BNC2: variants seen among roughly 807,000 people sequenced by gnomAD.
The protein encoded by BNC2 is zinc finger protein basonuclin-2.
BNC2 carries 20 observed loss-of-function variants against 76.3 expected under a neutral mutation model. That is an observed-to-expected ratio of 0.26 (90% CI 0.18 to 0.38). The LOEUF (loss-of-function observed/expected upper bound fraction) is 0.38. BNC2 is among the 10% of genes least tolerant of loss of function. BNC2 has a pLI of 1.00. For synonymous variants in BNC2, 582 were observed against 514.8 expected (o/e 1.13, Z -1.77); for missense variants, 1,382 against 1,399.8 (o/e 0.99, Z 0.20).
In BNC2 at chr9:16,834,057, CT is replaced by C. The variant is rs760455486; in HGVS notation, c.3+36588del. 1.1e-4 allele frequency among the ~76,000 whole-genome samples: 17 copies of C among 152,244 alleles called. No individual in the cohort carries two copies. The East Asian group carries it at 1.7e-3, about 16-fold the overall frequency. Reference sequence around the variant, plus strand: ...CCTTCAGATCTCAGCTCAAACAACCCTTCAGAGAAATCTTCTCTGACCCCAC... The same window carrying C: ...CCTTCAGATCTCAGCTCAAACAACCCTCAGAGAAATCTTCTCTGACCCCAC... On this transcript the variant is annotated intron_variant, in intron 1 of 6. Transcript: ENST00000380672.
rs111825308 is a variant in BNC2, at chr9:16,632,940, T to G, written c.331-49855A>C. On this transcript the variant is annotated intron_variant, in intron 3 of 6. Coordinates refer to ENST00000380672, the MANE Select transcript of BNC2 (RefSeq NM_017637.6). Reference sequence around the variant, plus strand: ...GTTTCTTAATACCAGCTGGCAATATTTGGGCCCCGAAGCATGAGAACTGAT... The same window carrying G: ...GTTTCTTAATACCAGCTGGCAATATGTGGGCCCCGAAGCATGAGAACTGAT... 5.3e-5 allele frequency among the ~76,000 whole-genome samples: 8 copies of G among 152,248 alleles called. 1 individual carries two copies. Among genetic ancestry groups the G allele is most frequent in the African/African-American group, 1.7e-4 (7 of 41,536 alleles).
intron 3 of BNC2, among the ~76,000 whole-genome samples, chr9:16,632,553 A>T (rs1821193696): frequency 1.3e-5 from 2 of 152,218 alleles, no homozygotes; most frequent in Non-Finnish European, 2.9e-5. Context: ...CTAATTGCAG[A>T]TATTAGCATA....
At chr9:16,830,099 A>T (rs1167787838) in intron 1 of BNC2, among the ~76,000 whole-genome samples, 1 of 152,256 alleles carries the variant, frequency 6.6e-6, no homozygotes, top group Non-Finnish European at 1.5e-5. Flanking sequence ...TCTATGTGAA[A>T]AGCTTTTGAA....
chr9:16,628,357 G>A (rs1821058554), intron 3 of BNC2, among the ~76,000 whole-genome samples: 1 of 152,124 alleles, frequency 6.6e-6, no homozygotes, highest in South Asian at 2.1e-4. Context: ...AAATTACAGT[G>A]GTAGGGAGAA....
At chr9:16,438,721 T>G (rs1210936595) in intron 5 of BNC2, among the ~76,000 whole-genome samples, 1 of 151,530 alleles carries the variant, frequency 6.6e-6, no homozygotes, top group African/African-American at 2.4e-5. Flanking sequence ...AATGACAAGA[T>G]ACTTATTAAT....
intron 1 of BNC2, among the ~76,000 whole-genome samples, chr9:16,739,092 G>A (rs568552731): frequency 1.3e-5 from 2 of 151,794 alleles, no homozygotes; most frequent in South Asian, 4.2e-4. Flanking sequence ...TATATTCCTA[G>A]AGAAGTAATA....
At chr9:16,838,410 A>C (rs1371888587) in intron 1 of BNC2, among the ~76,000 whole-genome samples, 2 of 152,186 alleles carry the variant, frequency 1.3e-5, no homozygotes, top group East Asian at 1.9e-4. Flanking sequence ...AAAAATACAA[A>C]ATCAGCTGGG....
intron 4 of BNC2, among the ~76,000 whole-genome samples, chr9:16,560,869 T>G (rs1442211483): frequency 6.6e-6 from 1 of 152,200 alleles, no homozygotes; most frequent in Admixed American, 6.5e-5. Context: ...CTGGTGAAGG[T>G]ACTGGATGAA....
chr9:16,790,086 G>A (rs368966560), intron 1 of BNC2, among the ~76,000 whole-genome samples: 15 of 152,218 alleles, frequency 9.9e-5, no homozygotes, highest in South Asian at 2.1e-4. Flanking sequence ...TGCAAGCTCC[G>A]CCTCCCAGGT....
intron 5 of BNC2, among the ~76,000 whole-genome samples, chr9:16,502,005 T>C (rs538822905): frequency 1.3e-4 from 20 of 152,288 alleles, no homozygotes; most frequent in Admixed American, 9.2e-4. Flanking sequence ...TGACTGCTAG[T>C]CCCAAGAAAA....
At chr9:16,655,777 A>G (rs1342137737) in intron 3 of BNC2, among the ~76,000 whole-genome samples, 2 of 152,150 alleles carry the variant, frequency 1.3e-5, no homozygotes, top group Non-Finnish European at 2.9e-5. Flanking sequence ...ATTCTCCACA[A>G]TTGCTGACTT....
intron 3 of BNC2, among the ~76,000 whole-genome samples, chr9:16,584,340 T>C (rs976312733): frequency 2.6e-5 from 4 of 152,210 alleles, no homozygotes; most frequent in Admixed American, 6.5e-5. Context: ...ATTTTGGATA[T>C]TGTTAACATG....
At chr9:16,665,438 G>GAA (rs766655149) in intron 3 of BNC2, among the ~76,000 whole-genome samples, 1 of 56,016 alleles carries the variant, frequency 1.8e-5, no homozygotes, top group African/African-American at 7.9e-5. Flanking sequence ...GGAAAGAAAA[G>GAA]AAAGAAAGAA....
At position 16,811,201 on chromosome 9, in the gene BNC2, C is replaced by T. The variant is rs1261328988; in HGVS notation, c.3+59445G>A. On this transcript the variant is annotated intron_variant, in intron 1 of 6. Transcript: ENST00000380672. ...TCGTGCCACTGCACTCCAGCCTGGG[C>T]AACAGAGCGAGACTTCGTCTCAAAA... 4.1e-5 allele frequency among the ~76,000 whole-genome samples: 5 copies of T among 123,292 alleles called. No individual in the cohort carries two copies. The Admixed American group carries it at 4.1e-4, about 10-fold the overall frequency. 80.9% of individuals were successfully genotyped at this position (123,292 alleles called of 152,430 possible).
chr9:16,614,765 AGGGAAGCCCT>A (rs1820648170), intron 3 of BNC2, among the ~76,000 whole-genome samples: 1 of 151,898 alleles, frequency 6.6e-6, no homozygotes, highest in Non-Finnish European at 1.5e-5. Flanking sequence ...TTGGCAACAC[AGGGAAGCCCT>A]GTCTCTACAA....
At chr9:16,839,400 A>G (rs1157716864) in intron 1 of BNC2, among the ~76,000 whole-genome samples, 1 of 152,218 alleles carries the variant, frequency 6.6e-6, no homozygotes, top group Non-Finnish European at 1.5e-5. Flanking sequence ...TAGTACTAAA[A>G]TACTGCCCAA....
chr9:16,844,125 G>C (rs369387063), intron 1 of BNC2, among the ~76,000 whole-genome samples: 8 of 150,792 alleles, frequency 5.3e-5, no homozygotes, highest in South Asian at 2.1e-4. Flanking sequence ...TCTTATAAGA[G>C]TTTAGCAATT....
chr9:16,751,634 G>A (rs13290475), intron 1 of BNC2, among the ~76,000 whole-genome samples: 26 of 8,530 alleles, frequency 3.0e-3, no homozygotes, highest in East Asian at 0.029. Flanking sequence ...ATATATGTAT[G>A]TATATATGTA....
chr9:16,855,028 C>T (rs1819219059), intron 1 of BNC2, among the ~76,000 whole-genome samples: 1 of 151,714 alleles, frequency 6.6e-6, no homozygotes, highest in African/African-American at 2.4e-5. Context: ...TAATCTGACT[C>T]CCCATTTAAA....
Sources: allele counts gnomAD v4.1 joint callset (sites outside exome capture counted in the v4.1 genomes callset), GRCh38; gene constraint gnomAD v4.1.1; transcripts MANE v1.5; gene names NCBI Gene and HGNC (gene_info 2026-07-23, HGNC 2026-07-21).